The following ERBB3 variants were observed in gnomAD, a reference collection of about 807,000 sequenced individuals.
ERBB3 encodes erb-b2 receptor tyrosine kinase 3.
ERBB3 carries 96 observed loss-of-function variants against 156.7 expected under a neutral mutation model. That is an observed-to-expected ratio of 0.61 (90% CI 0.52 to 0.73). The LOEUF (loss-of-function observed/expected upper bound fraction) is 0.73, where lower values mean the gene tolerates loss of function less well. Ranked by LOEUF, ERBB3 falls within the 30% of genes least tolerant of loss-of-function variation. The pLI is 0.00. For synonymous variants in ERBB3, 567 were observed against 632.0 expected (o/e 0.90, Z 1.54); for missense variants, 1,406 against 1,709.4 (o/e 0.82, Z 3.13).
rs1451126510 is a variant in ERBB3 at position 56,095,272 on chromosome 12, G to A, written c.1875G>A (p.Glu625=). Residue 625 remains glutamate, a synonymous_variant, in exon 16 of 28, where the codon GAG becomes GAA. Coordinates refer to ENST00000267101, the MANE Select transcript of ERBB3 (RefSeq NM_001982.4). ...ENCTQGCKGP[E]LQDCLGQTLV... ...TCTTCCCTAGGTGTAAAGGACCAGA[G>A]CTTCAAGACTGTTTAGGACAAACAC... The A allele has an allele frequency of 1.1e-5, 18 of 1,613,812 alleles. No individual in the cohort carries two copies. Among genetic ancestry groups the A allele is most frequent in the Non-Finnish European group, 1.4e-5 (17 of 1,179,688 alleles).
intron 3 of ERBB3, chr12:56,085,385 A>AC: frequency 6.9e-7 from 1 of 1,445,008 alleles, no homozygotes; most frequent in Non-Finnish European, 9.1e-7. Flanking sequence ...AGGGAAAGGA[A>AC]CCCTGTGTCC....
chr12:56,089,708 G>A (rs1417938314), intron 9 of ERBB3, among the ~76,000 whole-genome samples: 2 of 151,104 alleles, frequency 1.3e-5, no homozygotes, highest in East Asian at 1.9e-4. Context: ...TTACACCACC[G>A]CACTCCAGCC....
chr12:56,086,712 T>G, intron 4 of ERBB3, 56 bp downstream of exon 4: 1 of 1,608,290 alleles, frequency 6.2e-7, no homozygotes, highest in Non-Finnish European at 8.5e-7. Context: ...AGTGACTCCC[T>G]TCTTTCCATC....
Position 56,101,161 on chromosome 12 carries a change from T to C in ERBB3, c.3302T>C (p.Val1101Ala). ...CLASESSEGH[V>A]TGSEAELQEK... is the part of the protein sequence containing the mutation. Reference sequence around the variant, plus strand: ...GCATCAGAGTCATCAGAGGGGCATGTAACAGGCTCTGAGGCTGAGCTCCAG... The same window carrying C: ...GCATCAGAGTCATCAGAGGGGCATGCAACAGGCTCTGAGGCTGAGCTCCAG... The change falls in exon 27 of 28, where the codon GTA (valine) becomes GCA (alanine). Residue 1101 changes from valine to alanine, a missense_variant. Physicochemically the swap from Val to Ala is moderately conservative, Grantham distance 64. Coordinates refer to ENST00000267101, the MANE Select transcript of ERBB3 (RefSeq NM_001982.4). 2 of 1,614,106 alleles carry C rather than the reference T, an allele frequency of 1.2e-6. No individual in the cohort carries two copies. The highest frequency in any genetic ancestry group is 2.2e-5 in the South Asian group (2 of 91,072).
At position 56,096,660 on chromosome 12, in the gene ERBB3, G is replaced by C. The variant is rs917734692; in HGVS notation, c.2175+38G>C. The C allele has an allele frequency of 2.5e-6, 4 of 1,614,138 alleles. No individual in the cohort carries two copies. In the South Asian group the frequency reaches 4.4e-5, roughly 18 times the overall value. ...TAGGAATTCTGGAGAGGTGGGGAAG[G>C]CATCTAGGGCAAAGGGGTGAAAGAT... On this transcript the variant is annotated intron_variant, in intron 18 of 27. Coordinates refer to ENST00000267101, the MANE Select transcript of ERBB3 (RefSeq NM_001982.4).
intron 26 of ERBB3, 85 bp from the exon 27 acceptor site, chr12:56,100,976 A>ACC (rs1869072219): frequency 1.9e-6 from 2 of 1,034,772 alleles, no homozygotes; most frequent in Non-Finnish European, 2.9e-6. Flanking sequence ...GCAGTGAACA[A>ACC]CCCAATATCC....
intron 3 of ERBB3, 132 bp downstream of exon 3, chr12:56,085,313 A>G: frequency 6.4e-7 from 1 of 1,565,684 alleles, no homozygotes; most frequent in Admixed American, 1.9e-5. Flanking sequence ...CGCTGTCTAA[A>G]GGTCCATTGC....
intron 16 of ERBB3, 169 bp from the exon 17 acceptor site, chr12:56,095,496 A>G (rs1290369022): frequency 1.1e-6 from 1 of 911,302 alleles, no homozygotes; most frequent in Non-Finnish European, 1.7e-6. Flanking sequence ...AACTTTCAGT[A>G]GTCTAAGACT....
intron 20 of ERBB3, 70 bp downstream of exon 20, chr12:56,097,300 A>G: frequency 6.6e-7 from 1 of 1,507,816 alleles, no homozygotes; most frequent in South Asian, 1.1e-5. Flanking sequence ...AAAAGTGAGA[A>G]GGTTGAAGTT....
chr12:56,089,837 G>A (rs1274548717), intron 9 of ERBB3, among the ~76,000 whole-genome samples: 1 of 151,334 alleles, frequency 6.6e-6, no homozygotes, highest in Non-Finnish European at 1.5e-5. Context: ...AGAACAAAGG[G>A]ACTTTCTAGT....
At chr12:56,088,500 G>C in intron 7 of ERBB3, 43 bp from the exon 8 acceptor site, 1 of 1,425,360 alleles carries the variant, frequency 7.0e-7, no homozygotes, top group Non-Finnish European at 9.9e-7. Context: ...AGCTGGTGAT[G>C]TTCCTCCCTC....
Position 56,101,942 on chromosome 12 carries a change from C to A in ERBB3, c.3916C>A (p.His1306Asn), listed in dbSNP as rs1456688764. The A allele has an allele frequency of 6.2e-7, 1 of 1,613,394 alleles. No homozygotes were observed. The highest frequency in any genetic ancestry group is 8.5e-7 in the Non-Finnish European group (1 of 1,179,812). Residue 1306 changes from histidine to asparagine, a missense_variant, in exon 28 of 28, where the codon CAT becomes AAT. Physicochemically the swap from His to Asn is moderately conservative, Grantham distance 68. This residue lies in a region of ERBB3 where 415 missense variants were observed against 454.1 expected (regional missense o/e 0.91). Transcript: ENST00000267101. The stretch of plus-strand genomic sequence containing the variant: ...GCCTGGACATCAGGCCCCCCATGTC[C>A]ATTATGCCCGCCTAAAAACTCTACG... ...QGPGHQAPHVHYARLKTLRSL... is the reference protein window; with the variant it reads ...QGPGHQAPHVNYARLKTLRSL...
At chr12:56,098,089 C>T in intron 21 of ERBB3, 149 bp downstream of exon 21, 1 of 797,710 alleles carries the variant, frequency 1.3e-6, no homozygotes, top group Non-Finnish European at 2.0e-6. Context: ...GTTCAGAGGG[C>T]AACAAATAAA....
At chr12:56,094,040 C>T (rs544947004) in intron 13 of ERBB3, 59 bp from the exon 14 acceptor site, 59 of 1,560,736 alleles carry the variant, frequency 3.8e-5, no homozygotes, top group East Asian at 2.2e-4. Context: ...GTTGTGAGAT[C>T]GGAGCATGAA....
rs1869082532 is a variant in ERBB3, at chr12:56,101,152, AG to A, written c.3297del (p.His1100MetfsTer2). The A allele has an allele frequency of 6.2e-7, 1 of 1,613,918 alleles. No homozygotes were observed. The highest frequency in any genetic ancestry group is 8.5e-7 in the Non-Finnish European group (1 of 1,180,002). On this transcript the variant is annotated frameshift_variant, in exon 27 of 28. Transcript: ENST00000267101. LOFTEE classifies it high-confidence loss of function. ...PRGCLASESS[E>X]GHVTGSEAEL... ...GGATGCCTGGCATCAGAGTCATCAG[AG>A]GGGCATGTAACAGGCTCTGAGGCTG...
intron 26 of ERBB3, 50 bp downstream of exon 26, chr12:56,100,295 T>G: frequency 1.4e-6 from 2 of 1,403,804 alleles, no homozygotes; most frequent in Non-Finnish European, 2.0e-6. Context: ...TTGATACGAG[T>G]AGTATGGAAG....
At position 56,088,022 on chromosome 12, in the gene ERBB3, C is replaced by T; in HGVS notation, c.734C>T (p.Ala245Val). Reference sequence around the variant, plus strand: ...CTGATGAGCCTCCTTTTTTCCCAGGCCTGCCGGCACTTCAATGACAGTGGA... The same window carrying T: ...CTGATGAGCCTCCTTTTTTCCCAGGTCTGCCGGCACTTCAATGACAGTGGA... ...CSGPQDTDCF[A>V]CRHFNDSGAC... The change falls in exon 7 of 28, where the codon GCC (alanine) becomes GTC (valine). Residue 245 changes from alanine (A) to valine (V), a missense_variant and splice_region_variant. By Grantham distance (64) the Ala-to-Val change is moderately conservative. Around this residue, in one of 3 missense-constraint regions of ERBB3, gnomAD observed 979 missense variants for 1,219.6 expected, o/e 0.80. Coordinates refer to ENST00000267101, the MANE Select transcript of ERBB3 (RefSeq NM_001982.4). 6.2e-7 allele frequency: 1 copy of T among 1,614,108 alleles called. No homozygotes were observed. The highest frequency in any genetic ancestry group is 1.7e-5 in the Admixed American group (1 of 60,008).
rs767467479 is a variant in ERBB3, at chr12:56,101,066, T to G, written c.3207T>G (p.Ser1069=). ...CTGTTTATTTTCTTCCTTAGGAGTC[T>G]GCAGTTTCTGGGAGCAGTGAACGGT... The part of the protein sequence containing the change: ...QGNLGESCQE[S]AVSGSSERCP... Residue 1069 remains serine (S), a synonymous_variant, in exon 27 of 28, where the codon TCT becomes TCG. Coordinates refer to ENST00000267101, the MANE Select transcript of ERBB3 (RefSeq NM_001982.4). 1 of 1,613,700 alleles carries G rather than the reference T, an allele frequency of 6.2e-7. No homozygotes were observed. Among genetic ancestry groups the G allele is most frequent in the East Asian group, 2.2e-5 (1 of 44,878 alleles).
At chr12:56,085,923 G>C (rs1276447265) in intron 3 of ERBB3, among the ~76,000 whole-genome samples, 1 of 151,924 alleles carries the variant, frequency 6.6e-6, no homozygotes, top group Admixed American at 6.5e-5. Context: ...CAAAAAATTA[G>C]CCAGGTGTGG....
Sources: gnomAD v4.1 joint callset for allele counts (sites outside exome capture counted in the v4.1 genomes callset) on GRCh38, gnomAD v4.1.1 for gene constraint, gnomAD v4.1.1 regional missense constraint, MANE v1.5 for transcripts, NCBI Gene and HGNC (gene_info 2026-07-23, HGNC 2026-07-21) for gene names.